Variants in CLYBL observed in about 807,000 individuals in gnomAD.
CLYBL encodes citramalyl-CoA lyase, mitochondrial.
CLYBL carries 31 observed loss-of-function variants against 38.9 expected under a neutral mutation model. That is an observed-to-expected ratio of 0.80 (90% CI 0.60 to 1.08). The LOEUF is 1.08. Ranked by LOEUF, CLYBL falls within the 50% of genes least tolerant of loss-of-function variation. CLYBL has a pLI of 0.00. For synonymous variants in CLYBL, 171 were observed against 158.6 expected, an observed-to-expected ratio of 1.08 and a Z score of -0.59; for missense variants, 434 against 411.6, an observed-to-expected ratio of 1.05 and a Z score of -0.47.
chr13:99,783,422 G>C (rs1016602014), intron 2 of CLYBL, among the ~76,000 whole-genome samples: 1 of 151,028 alleles, frequency 6.6e-6, no homozygotes, highest in Non-Finnish European at 1.5e-5. Context: ...TATCTGCTTG[G>C]TATATTATGA....
chr13:99,878,823 T>C (rs527502638), intron 7 of CLYBL, among the ~76,000 whole-genome samples: 1 of 152,214 alleles, frequency 6.6e-6, no homozygotes, highest in Non-Finnish European at 1.5e-5. Flanking sequence ...TGAAAAGATA[T>C]CGAAAACAAA....
intron 1 of CLYBL, among the ~76,000 whole-genome samples, chr13:99,670,030 T>TA (rs34452564): frequency 0.79 from 116,635 of 148,354 alleles, 45,868 homozygotes; most frequent in East Asian, 0.84. Context: ...CCGTCTCTAT[T>TA]AAAAAAAAAA....
chr13:99,802,206 C>T (rs1222642401), intron 2 of CLYBL, among the ~76,000 whole-genome samples: 3 of 152,134 alleles, frequency 2.0e-5, no homozygotes, highest in Admixed American at 6.5e-5. Context: ...AGGGCTTTCT[C>T]TTCTTGGTTT....
chr13:99,852,232 T>C (rs904638651), intron 2 of CLYBL, among the ~76,000 whole-genome samples: 2 of 152,172 alleles, frequency 1.3e-5, no homozygotes, highest in African/African-American at 4.8e-5. Context: ...TTCGGGGTGA[T>C]ACATACCTTC....
intron 2 of CLYBL, among the ~76,000 whole-genome samples, chr13:99,831,767 G>T (rs2050808977): frequency 6.9e-6 from 1 of 145,878 alleles, no homozygotes. Flanking sequence ...CAGAAAAAAA[G>T]GGGCCCCATT....
In CLYBL at chr13:99,797,556, C is replaced by CTCTGTGTGTGTGTGTG. The variant is rs775220789; in HGVS notation, c.249+24547_249+24548insCTGTGTGTGTGTGTGT. On this transcript the variant is annotated intron_variant, in intron 2 of 8. Coordinates refer to ENST00000339105, the MANE Select transcript of CLYBL (RefSeq NM_206808.5). The stretch of plus-strand genomic sequence containing the variant: ...AAGATTTCTGTGTCTGCCATGTTAG[C>CTCTGTGTGTGTGTGTG]TGTTTGTGTGTGTGTGTGTGTGTGT... Among the ~76,000 whole-genome samples the CTCTGTGTGTGTGTGTG allele has an allele frequency of 2.1e-3, 80 of 37,510 alleles. No homozygotes were observed. In the East Asian group the frequency reaches 0.044, roughly 21 times the overall value. 24.6% of individuals were successfully genotyped at this position (37,510 alleles called of 152,430 possible). A position where few individuals can be genotyped will look rare whatever the true frequency, so the allele number is the denominator to read the frequency against.
At chr13:99,676,171 T>C (rs112374043) in intron 1 of CLYBL, among the ~76,000 whole-genome samples, 1,949 of 146,086 alleles carry the variant, frequency 0.013, 37 homozygotes, top group African/African-American at 0.046. Flanking sequence ...CTGGCTTCCT[T>C]CCTTCCCTCC....
At position 99,863,021 on chromosome 13, in the gene CLYBL, G is replaced by A. The variant is rs761468260; in HGVS notation, c.469G>A (p.Gly157Ser). 20 of 1,610,862 alleles carry A rather than the reference G, an allele frequency of 1.2e-5. No individual in the cohort carries two copies. Among genetic ancestry groups the A allele is most frequent in the Non-Finnish European group, 1.5e-5 (18 of 1,178,572 alleles). Residue 157 changes from glycine to serine, a missense_variant, in exon 4 of 9, where the codon GGC becomes AGC. Coordinates refer to ENST00000339105, the MANE Select transcript of CLYBL (RefSeq NM_206808.5). Reference protein sequence around the residue: ...FADKFSFHLKGRKLEQPMNLI... With the variant: ...FADKFSFHLKSRKLEQPMNLI... ...AGACAAATTTTCATTCCACTTAAAA[G>A]GCCGAAAACTTGAACAACCAATGAA...
chr13:99,859,289 GTGGTT>G (rs2051541041), intron 3 of CLYBL, among the ~76,000 whole-genome samples: 1 of 152,208 alleles, frequency 6.6e-6, no homozygotes, highest in Admixed American at 6.5e-5. Flanking sequence ...AATTGGATGT[GTGGTT>G]TGGCCAGAAC....
chr13:99,901,480 C>T (rs1276096139), downstream of CLYBL, among the ~76,000 whole-genome samples: 7 of 151,968 alleles, frequency 4.6e-5, no homozygotes, highest in African/African-American at 1.7e-4. Flanking sequence ...TTACGGTGTC[C>T]ATTTTACCAG....
intron 1 of CLYBL, among the ~76,000 whole-genome samples, chr13:99,723,215 A>T (rs1031282581): frequency 6.6e-6 from 1 of 152,178 alleles, no homozygotes; most frequent in African/African-American, 2.4e-5. Flanking sequence ...ATAAACATCT[A>T]GTGGGGATTT....
At chr13:99,877,252 A>G (rs971634782) in intron 7 of CLYBL, among the ~76,000 whole-genome samples, 4 of 152,182 alleles carry the variant, frequency 2.6e-5, no homozygotes, top group African/African-American at 9.7e-5. Flanking sequence ...TTCAGTGCCT[A>G]TGGCAGCAAG....
At chr13:99,730,738 C>T (rs1045098668) in intron 1 of CLYBL, among the ~76,000 whole-genome samples, 3 of 152,072 alleles carry the variant, frequency 2.0e-5, no homozygotes, top group Non-Finnish European at 2.9e-5. Flanking sequence ...GAGGCAGTGC[C>T]GACCATCCTG....
chr13:99,710,020 T>C (rs1218709321), intron 1 of CLYBL, among the ~76,000 whole-genome samples: 1 of 149,344 alleles, frequency 6.7e-6, no homozygotes, highest in African/African-American at 2.5e-5. Flanking sequence ...GCCTCCCAGG[T>C]TCACGCCATT....
At chr13:99,780,777 G>A (rs1399974643) in intron 2 of CLYBL, among the ~76,000 whole-genome samples, 3 of 144,078 alleles carry the variant, frequency 2.1e-5, no homozygotes, top group African/African-American at 5.2e-5. Flanking sequence ...GCAATGGCAC[G>A]ATCTTGGCTC....
At chr13:99,636,564 C>T (rs2047020865) in intron 1 of CLYBL, among the ~76,000 whole-genome samples, 2 of 152,184 alleles carry the variant, frequency 1.3e-5, no homozygotes, top group Non-Finnish European at 2.9e-5. Context: ...ACTGTTGAGC[C>T]ATTCCTCTTG....
intron 2 of CLYBL, among the ~76,000 whole-genome samples, chr13:99,852,666 G>A (rs1330585871): frequency 6.6e-6 from 1 of 152,114 alleles, no homozygotes; most frequent in African/African-American, 2.4e-5. Context: ...AAAGAGAGTA[G>A]TATAAAGAAC....
chr13:99,798,158 G>A (rs746145084), intron 2 of CLYBL, among the ~76,000 whole-genome samples: 1 of 152,192 alleles, frequency 6.6e-6, no homozygotes, highest in African/African-American at 2.4e-5. Flanking sequence ...ATCTGAAGAA[G>A]GAGGGAGGGA....
intron 4 of CLYBL, among the ~76,000 whole-genome samples, chr13:99,863,779 A>G (rs761156686): frequency 1.3e-5 from 2 of 152,188 alleles, no homozygotes; most frequent in African/African-American, 2.4e-5. Context: ...ACCTGCGAAC[A>G]TCAATCTAGC....
Sources: gnomAD v4.1 joint callset for allele counts (sites outside exome capture counted in the v4.1 genomes callset) on GRCh38, gnomAD v4.1.1 for gene constraint, MANE v1.5 for transcripts, NCBI Gene and HGNC (gene_info 2026-07-23, HGNC 2026-07-21) for gene names.